Variants in PTK2B observed in about 807,000 individuals in gnomAD.
PTK2B encodes protein-tyrosine kinase 2-beta.
PTK2B carries 71 observed loss-of-function variants against 142.9 expected under a neutral mutation model. The observed-to-expected ratio is 0.50, with a 90% CI of 0.41 to 0.61. The LOEUF is 0.61. Among genes scored for constraint, PTK2B ranks in the 20% least tolerant of loss-of-function variants. PTK2B has a pLI of 0.00. For missense variants in PTK2B, 1,105 were observed against 1,320.4 expected (o/e 0.84, Z 2.53); for synonymous variants, 519 against 503.4 (o/e 1.03, Z -0.42).
At chr8:27,438,559 A>T (rs1810948682) in intron 18 of PTK2B, among the ~76,000 whole-genome samples, 1 of 61,118 alleles carries the variant, frequency 1.6e-5, no homozygotes, top group Non-Finnish European at 3.5e-5. Context: ...TATACCAAAG[A>T]CCTAACCAGT....
intron 2 of PTK2B, among the ~76,000 whole-genome samples, chr8:27,403,320 T>G (rs1389731425): frequency 6.6e-6 from 1 of 152,190 alleles, no homozygotes; most frequent in East Asian, 1.9e-4. Flanking sequence ...ACAGTCCACA[T>G]GGCAACACAT....
intron 3 of PTK2B, 95 bp from the exon 4 acceptor site, chr8:27,420,562 C>A: frequency 8.3e-7 from 1 of 1,211,344 alleles, no homozygotes; most frequent in Non-Finnish European, 1.2e-6. Flanking sequence ...TCCCTTTGCA[C>A]TAGGGGATGG....
intron 1 of PTK2B, among the ~76,000 whole-genome samples, chr8:27,382,362 G>T (rs1311184727): frequency 1.3e-5 from 2 of 152,126 alleles, no homozygotes; most frequent in Non-Finnish European, 2.9e-5. Context: ...TCAGTCCCTT[G>T]TTGGATGAAC....
chr8:27,425,513 T>C (rs976030700), intron 5 of PTK2B, among the ~76,000 whole-genome samples: 1 of 152,174 alleles, frequency 6.6e-6, no homozygotes, highest in Non-Finnish European at 1.5e-5. Context: ...AGAGTTCCTA[T>C]ATACCCCCTT....
At chr8:27,328,899 C>T (rs1410128854) in intron 1 of PTK2B, among the ~76,000 whole-genome samples, 1 of 151,880 alleles carries the variant, frequency 6.6e-6, no homozygotes, top group Non-Finnish European at 1.5e-5. Context: ...AGGCAGTGTC[C>T]AACTTAGAGA....
At chr8:27,451,602 AGTCT>A (rs1811821496) in intron 27 of PTK2B, 93 bp downstream of exon 27, 4 of 1,599,446 alleles carry the variant, frequency 2.5e-6, no homozygotes, top group Non-Finnish European at 3.4e-6. Context: ...GGAGCAGCGG[AGTCT>A]GTCTGCATTC....
intron 1 of PTK2B, among the ~76,000 whole-genome samples, chr8:27,367,414 T>C (rs559763621): frequency 6.6e-6 from 1 of 152,028 alleles, no homozygotes; most frequent in African/African-American, 2.4e-5. Flanking sequence ...AGGTGCGGGG[T>C]GTCTGGGCTT....
At chr8:27,383,737 G>A (rs1288101527) in intron 1 of PTK2B, among the ~76,000 whole-genome samples, 5 of 152,110 alleles carry the variant, frequency 3.3e-5, no homozygotes, top group Admixed American at 3.3e-4. Flanking sequence ...CCAGGCTGGA[G>A]TACATTGGCA....
At position 27,455,926 on chromosome 8, in the gene PTK2B, A is replaced by G. The variant is rs559577963; in HGVS notation, c.2814+1315A>G. Among the ~76,000 whole-genome samples the G allele has an allele frequency of 9.8e-5, 15 of 152,312 alleles. No individual in the cohort carries two copies. The East Asian group carries it at 2.7e-3, about 27-fold the overall frequency. ...AGCAGCCAGCCCTGCGGCACAGATG[A>G]CTACCACATCCCACCACTGTCCCCA... On this transcript the variant is annotated intron_variant, in intron 30 of 30. Transcript: ENST00000346049.
At chr8:27,407,855 G>T (rs577176269) in intron 2 of PTK2B, among the ~76,000 whole-genome samples, 1 of 152,086 alleles carries the variant, frequency 6.6e-6, no homozygotes, top group Admixed American at 6.5e-5. Context: ...CACCTGCTCT[G>T]CACCTACCAT....
At chr8:27,427,295 T>C (rs1202485556) in intron 5 of PTK2B, among the ~76,000 whole-genome samples, 2 of 152,184 alleles carry the variant, frequency 1.3e-5, no homozygotes, top group African/African-American at 4.8e-5. Flanking sequence ...TCTCTTCATC[T>C]TGAAGCCTTT....
chr8:27,356,250 T>A (rs1286395893), intron 1 of PTK2B, among the ~76,000 whole-genome samples: 2 of 152,202 alleles, frequency 1.3e-5, no homozygotes, highest in Non-Finnish European at 1.5e-5. Flanking sequence ...ATGACAGCTT[T>A]GCTGTTGATC....
At chr8:27,333,389 G>A (rs956681322) in intron 1 of PTK2B, among the ~76,000 whole-genome samples, 1 of 152,166 alleles carries the variant, frequency 6.6e-6, no homozygotes, top group Admixed American at 6.5e-5. Flanking sequence ...GGAGGTGCGA[G>A]GGTCAGATTC....
intron 3 of PTK2B, among the ~76,000 whole-genome samples, chr8:27,319,568 T>C (rs1406643832): frequency 1.4e-5 from 2 of 141,096 alleles, no homozygotes; most frequent in African/African-American, 2.6e-5. Flanking sequence ...GGCATGAACC[T>C]GGGAGGTAGA....
Position 27,453,153 on chromosome 8 carries a change from G to T in PTK2B, c.2588G>T (p.Gly863Val), listed in dbSNP as rs1391084844. The T allele has an allele frequency of 6.2e-7, 1 of 1,614,192 alleles. No individual in the cohort carries two copies. Residue 863 changes from glycine (G) to valine (V), a missense_variant, in exon 28 of 31, where the codon GGC (glycine) becomes GTC (valine). Transcript: ENST00000346049. Reference sequence around the variant, plus strand: ...CCCCCACAGAAGCCCCCGAGGCTGGGCGCACAGGTATGTGTTGGCTCTGCT... The same window carrying T: ...CCCCCACAGAAGCCCCCGAGGCTGGTCGCACAGGTATGTGTTGGCTCTGCT... ...TGPPQKPPRL[G>V]AQSIQPTANL...
At chr8:27,384,202 T>G (rs1013737661) in intron 1 of PTK2B, among the ~76,000 whole-genome samples, 1 of 151,760 alleles carries the variant, frequency 6.6e-6, no homozygotes, top group African/African-American at 2.4e-5. Context: ...TCCCTATTTG[T>G]GCAGGCTGGT....
chr8:27,335,595 C>CA (rs900959610), intron 1 of PTK2B, among the ~76,000 whole-genome samples: 5,414 of 74,120 alleles, frequency 0.073, 183 homozygotes, highest in African/African-American at 0.13. Context: ...AACACTGTCT[C>CA]AAAAAAAAAA....
intron 24 of PTK2B, among the ~76,000 whole-genome samples, chr8:27,446,255 C>T (rs1485653495): frequency 1.3e-5 from 2 of 152,188 alleles, no homozygotes; most frequent in Non-Finnish European, 2.9e-5. Context: ...CTAGGCAGGG[C>T]ACAGCACAGC....
intron 5 of PTK2B, among the ~76,000 whole-genome samples, chr8:27,425,156 T>C (rs565685645): frequency 8.0e-4 from 122 of 151,624 alleles, no homozygotes; most frequent in African/African-American, 2.7e-3. Flanking sequence ...TATGCTACTA[T>C]ATAACATATG....
Sources: allele counts gnomAD v4.1 joint callset (sites outside exome capture counted in the v4.1 genomes callset), GRCh38; gene constraint gnomAD v4.1.1; transcripts MANE v1.5; gene names NCBI Gene and HGNC (gene_info 2026-07-23, HGNC 2026-07-21).